GRM7: variants seen among roughly 807,000 people sequenced by gnomAD.
GRM7 encodes metabotropic glutamate receptor 7.
A neutral mutation model predicts 84.5 loss-of-function variants in GRM7; 35 were observed. The observed-to-expected ratio is 0.41, with a 90% CI of 0.32 to 0.55. GRM7 has a LOEUF of 0.55. GRM7 is among the 20% of genes least tolerant of loss of function. The pLI is 0.19. For missense variants in GRM7, 1,003 were observed against 1,194.6 expected (o/e 0.84, Z 2.36); for synonymous variants, 487 against 455.1 (o/e 1.07, Z -0.89).
In GRM7 at chr3:7,298,822, T is replaced by G; in HGVS notation, c.875T>G (p.Ile292Arg). 6.2e-7 allele frequency: 1 copy of G among 1,613,130 alleles called. No homozygotes were observed. Among genetic ancestry groups the G allele is most frequent in the Non-Finnish European group, 8.5e-7 (1 of 1,179,266 alleles). Residue 292 changes from isoleucine (I) to arginine (R), a missense_variant, in exon 3 of 10, where the codon ATA (isoleucine) becomes AGA (arginine). Coordinates refer to ENST00000357716, the MANE Select transcript of GRM7 (RefSeq NM_000844.4). ...GTGATTTTTGCCAACGATGAGGATA[T>G]AAAGTAAGAATAACTGGTGACAATT... ...AVVIFANDED[I>R]KQILAAAKRA...
At chr3:7,014,125 A>G (rs1339867442) in intron 1 of GRM7, among the ~76,000 whole-genome samples, 4 of 152,180 alleles carry the variant, frequency 2.6e-5, no homozygotes, top group African/African-American at 9.7e-5. Context: ...TGCCTGTCTT[A>G]AAGTAATGCT....
rs1350285657 is a variant in GRM7, at chr3:7,151,902, A to G, written c.736+5234A>G. Among the ~76,000 whole-genome samples the G allele has an allele frequency of 7.0e-6, 1 of 143,000 alleles. No homozygotes were observed. The highest frequency in any genetic ancestry group is 2.8e-5 in the African/African-American group (1 of 35,110). 93.8% of individuals were successfully genotyped at this position (143,000 alleles called of 152,430 possible). ...GCTGTAATTCCTAATACCACCATCTATATTGAATTCTGTTTTTTTTTTCTT... is the reference window on the plus strand; with the variant it reads ...GCTGTAATTCCTAATACCACCATCTGTATTGAATTCTGTTTTTTTTTTCTT... On this transcript the variant is annotated intron_variant, in intron 2 of 9. Coordinates refer to ENST00000357716, the MANE Select transcript of GRM7 (RefSeq NM_000844.4). This position sits in a 1 kb window ranked among gnomAD's most constrained non-coding sequence, Gnocchi z 4.5.
At chr3:7,390,395 T>C (rs1052150076) in intron 4 of GRM7, among the ~76,000 whole-genome samples, 3 of 152,290 alleles carry the variant, frequency 2.0e-5, no homozygotes, top group African/African-American at 7.2e-5. Context: ...TTGACTTCTA[T>C]AGCAAGATTG....
chr3:7,377,754 C>A lies in GRM7; in HGVS notation c.1034-37269C>A, dbSNP rs138562279. 4.5e-4 allele frequency among the ~76,000 whole-genome samples: 69 copies of A among 152,208 alleles called. No individual in the cohort carries two copies. The East Asian group carries it at 6.6e-3, about 14-fold the overall frequency. On this transcript the variant is annotated intron_variant, in intron 4 of 9. Coordinates refer to ENST00000357716, the MANE Select transcript of GRM7 (RefSeq NM_000844.4). ...TCTTCAAGCAGCAACTTGGAAAGAA[C>A]ATAAAAATATTTACATAATGGGAAA...
intron 4 of GRM7, among the ~76,000 whole-genome samples, chr3:7,375,126 A>G (rs2125122218): frequency 6.6e-6 from 1 of 152,070 alleles, no homozygotes; most frequent in Admixed American, 6.5e-5. Flanking sequence ...TGTGATTTCC[A>G]TATTCTCTAT....
chr3:7,209,218 G>A (rs755477732), intron 2 of GRM7, among the ~76,000 whole-genome samples: 6 of 152,160 alleles, frequency 3.9e-5, no homozygotes, highest in Non-Finnish European at 8.8e-5. Context: ...TCAAACTATA[G>A]TTTCTCCTGA....
chr3:7,320,944 C>G lies in GRM7; in HGVS notation c.1033+14292C>G, dbSNP rs1475931057. 2.0e-5 allele frequency among the ~76,000 whole-genome samples: 3 copies of G among 151,888 alleles called. No individual in the cohort carries two copies. The East Asian group carries it at 5.8e-4, about 29-fold the overall frequency. On this transcript the variant is annotated intron_variant, in intron 4 of 9. Coordinates refer to ENST00000357716, the MANE Select transcript of GRM7 (RefSeq NM_000844.4). ...TGTATTAAGACACAAATATTCCTGT[C>G]TTTTTGAAGAAGATGTCTTACTGGG...
chr3:7,338,227 A>G (rs1458725566), intron 4 of GRM7, among the ~76,000 whole-genome samples: 2 of 152,000 alleles, frequency 1.3e-5, no homozygotes, highest in Admixed American at 6.6e-5. Flanking sequence ...CCATTATTCT[A>G]CATGAAGTAA....
chr3:7,356,084 G>C (rs1216509471), intron 4 of GRM7, among the ~76,000 whole-genome samples: 1 of 152,086 alleles, frequency 6.6e-6, no homozygotes, highest in African/African-American at 2.4e-5. Context: ...CTTAGCAGGA[G>C]AAATGATCAG....
At chr3:7,031,391 T>C (rs142791764) in intron 1 of GRM7, among the ~76,000 whole-genome samples, 1 of 150,800 alleles carries the variant, frequency 6.6e-6, no homozygotes, top group African/African-American at 2.5e-5. Context: ...AAATACTTTT[T>C]TTAAATTTTT....
intron 1 of GRM7, among the ~76,000 whole-genome samples, chr3:7,079,005 A>G (rs764502032): frequency 2.6e-4 from 40 of 152,154 alleles, no homozygotes; most frequent in Non-Finnish European, 5.0e-4. Context: ...ACAAAAACAT[A>G]TTCTTGGTTA....
intron 8 of GRM7, chr3:7,607,033 A>G (rs2094713303): frequency 6.6e-6 from 1 of 152,182 alleles, no homozygotes; most frequent in Non-Finnish European, 1.5e-5. Flanking sequence ...GTATCTTAAC[A>G]GGTTTTATAG....
In GRM7 at chr3:7,563,133, T is replaced by C. The variant is rs543466767; in HGVS notation, c.1516-15289T>C. Among the ~76,000 whole-genome samples the C allele has an allele frequency of 1.6e-4, 25 of 152,242 alleles. No homozygotes were observed. The South Asian group carries it at 4.8e-3, about 29-fold the overall frequency. On this transcript the variant is annotated intron_variant, in intron 7 of 9. Transcript: ENST00000357716. ...GTGAAAAGCAATTTGCAAGTTGTCT[T>C]GAGTGTGAAAATCTAAGATGAATGG...
intron 1 of GRM7, among the ~76,000 whole-genome samples, chr3:7,084,783 C>T (rs932909170): frequency 2.6e-5 from 4 of 152,032 alleles, no homozygotes; most frequent in African/African-American, 4.8e-5. Flanking sequence ...TTTCTTTATT[C>T]GGGAAATGAA....
intron 7 of GRM7, among the ~76,000 whole-genome samples, chr3:7,543,982 C>T (rs1168047497): frequency 1.3e-5 from 2 of 152,120 alleles, no homozygotes; most frequent in African/African-American, 4.8e-5. Flanking sequence ...GTATAAGTTC[C>T]ACAATTATGT....
At chr3:7,070,426 A>G (rs1237499067) in intron 1 of GRM7, among the ~76,000 whole-genome samples, 3 of 152,168 alleles carry the variant, frequency 2.0e-5, no homozygotes, top group Non-Finnish European at 4.4e-5. Flanking sequence ...TTACAAATGA[A>G]TGCTAAAAAC....
At chr3:7,653,181 T>A (rs905856254) in intron 8 of GRM7, among the ~76,000 whole-genome samples, 2 of 82,074 alleles carry the variant, frequency 2.4e-5, no homozygotes, top group African/African-American at 1.5e-4. Flanking sequence ...TACTATATCC[T>A]TTTTTTTTTT....
At chr3:7,676,430 T>G (rs1700123870) in intron 8 of GRM7, among the ~76,000 whole-genome samples, 1 of 152,222 alleles carries the variant, frequency 6.6e-6, no homozygotes, top group Admixed American at 6.5e-5. Context: ...TATATTTTTA[T>G]CATGCTTATT....
intron 3 of GRM7, among the ~76,000 whole-genome samples, chr3:7,304,602 G>A (rs920721374): frequency 1.3e-5 from 2 of 150,930 alleles, no homozygotes; most frequent in East Asian, 3.9e-4. Flanking sequence ...GGTCTTCTTG[G>A]GTTGATTATT....
Sources: allele counts gnomAD v4.1 joint callset (sites outside exome capture counted in the v4.1 genomes callset), GRCh38; gene constraint gnomAD v4.1.1; non-coding constraint Gnocchi (gnomAD v3.1); transcripts MANE v1.5; gene names NCBI Gene and HGNC (gene_info 2026-07-23, HGNC 2026-07-21).